Variants in SERGEF observed in about 807,000 individuals in gnomAD.
SERGEF encodes secretion regulating guanine nucleotide exchange factor.
Under a neutral mutation model 50.0 loss-of-function variants are expected in SERGEF, and 51 were observed. The ratio of observed to expected loss-of-function variants is 1.02; its 90% CI spans 0.81 to 1.29. The LOEUF is 1.29. SERGEF is among the 50% of genes most tolerant of loss of function. The pLI is 0.00. For missense variants in SERGEF, 521 were observed against 557.0 expected, an observed-to-expected ratio of 0.94 and a Z score of 0.65; for synonymous variants, 205 against 212.4, an observed-to-expected ratio of 0.97 and a Z score of 0.30.
At chr11:17,955,188 T>C (rs758323232) in intron 9 of SERGEF, among the ~76,000 whole-genome samples, 5 of 152,262 alleles carry the variant, frequency 3.3e-5, no homozygotes, top group Non-Finnish European at 1.5e-5. Flanking sequence ...CCAATTCAAA[T>C]AACATTTCTT....
intron 10 of SERGEF, among the ~76,000 whole-genome samples, chr11:17,794,359 G>A (rs958979982): frequency 6.6e-6 from 1 of 152,170 alleles, no homozygotes; most frequent in African/African-American, 2.4e-5. Flanking sequence ...TGAGGGCTGC[G>A]ACCTAGGGAT....
chr11:17,858,174 G>A (rs1159619074), intron 10 of SERGEF, among the ~76,000 whole-genome samples: 6 of 152,130 alleles, frequency 3.9e-5, no homozygotes, highest in Non-Finnish European at 1.5e-5. Flanking sequence ...GTATATTTAT[G>A]GGGGGTAGTT....
chr11:17,790,746 C>T (rs1849471687), intron 10 of SERGEF, among the ~76,000 whole-genome samples: 2 of 152,140 alleles, frequency 1.3e-5, no homozygotes, highest in South Asian at 4.1e-4. Context: ...AATGACTAGA[C>T]ATTTATATTC....
chr11:17,805,949 G>T (rs2299629), intron 10 of SERGEF, among the ~76,000 whole-genome samples: 4 of 152,180 alleles, frequency 2.6e-5, no homozygotes, highest in African/African-American at 9.7e-5. Flanking sequence ...CAAAGGTAGG[G>T]AGGAATCCAT....
intron 9 of SERGEF, among the ~76,000 whole-genome samples, chr11:17,932,185 A>G (rs1852365484): frequency 6.6e-6 from 1 of 152,174 alleles, no homozygotes; most frequent in Non-Finnish European, 1.5e-5. Context: ...GAAAGAAAGA[A>G]AGAAATGCTC....
At chr11:17,889,156 G>T (rs1195424134) in intron 9 of SERGEF, among the ~76,000 whole-genome samples, 1 of 152,178 alleles carries the variant, frequency 6.6e-6, no homozygotes, top group East Asian at 1.9e-4. Context: ...ATTCAGACAA[G>T]AATCATCAAT....
At chr11:17,957,454 T>C (rs1852898713) in intron 9 of SERGEF, among the ~76,000 whole-genome samples, 1 of 152,162 alleles carries the variant, frequency 6.6e-6, no homozygotes, top group South Asian at 2.1e-4. Flanking sequence ...CCTCCACTAC[T>C]ATACTACCTG....
At chr11:17,793,825 G>C (rs1849527629) in intron 10 of SERGEF, among the ~76,000 whole-genome samples, 1 of 152,210 alleles carries the variant, frequency 6.6e-6, no homozygotes, top group South Asian at 2.1e-4. Context: ...CCTGCTCACA[G>C]GGCTCAATCT....
intron 10 of SERGEF, among the ~76,000 whole-genome samples, chr11:17,831,913 G>A (rs949890528): frequency 6.6e-6 from 1 of 152,090 alleles, no homozygotes; most frequent in Non-Finnish European, 1.5e-5. Context: ...AACATCTCAA[G>A]GCTCTCCCTG....
At chr11:17,789,478 C>T (rs1849443202) in intron 10 of SERGEF, among the ~76,000 whole-genome samples, 1 of 152,098 alleles carries the variant, frequency 6.6e-6, no homozygotes, top group Non-Finnish European at 1.5e-5. Flanking sequence ...ACATTCATGC[C>T]CAGGTAACTC....
intron 10 of SERGEF, among the ~76,000 whole-genome samples, chr11:17,833,017 T>G (rs1565180146): frequency 6.6e-6 from 1 of 152,170 alleles, no homozygotes; most frequent in African/African-American, 2.4e-5. Context: ...TGAGGAGAAA[T>G]TCAAGCCAGC....
intron 9 of SERGEF, among the ~76,000 whole-genome samples, chr11:17,933,779 A>G (rs1565208763): frequency 6.6e-6 from 1 of 152,186 alleles, no homozygotes; most frequent in Non-Finnish European, 1.5e-5. Flanking sequence ...GAAAACTGGA[A>G]AATAGTTCTC....
intron 10 of SERGEF, among the ~76,000 whole-genome samples, chr11:17,872,276 TCTTGCTCTGG>T (rs1851153823): frequency 7.3e-3 from 4 of 548 alleles, no homozygotes; most frequent in African/African-American, 0.038. Flanking sequence ...ATGTTCTATA[TCTTGCTCTGG>T]ATGGTGTTTT....
intron 9 of SERGEF, among the ~76,000 whole-genome samples, chr11:17,954,222 T>C (rs1852821564): frequency 6.6e-6 from 1 of 152,154 alleles, no homozygotes; most frequent in Non-Finnish European, 1.5e-5. Context: ...ACTCAGCTGA[T>C]TGCTGGTGGT....
At chr11:17,824,966 A>C (rs1426679951) in intron 10 of SERGEF, among the ~76,000 whole-genome samples, 1 of 152,220 alleles carries the variant, frequency 6.6e-6, no homozygotes, top group African/African-American at 2.4e-5. Flanking sequence ...CAATGTGCAC[A>C]CACTTTCTTA....
intron 1 of SERGEF, chr11:18,010,041 T>A (rs1181409691): frequency 2.1e-6 from 2 of 952,740 alleles, no homozygotes; most frequent in African/African-American, 3.4e-5. Flanking sequence ...TTACTAAGAT[T>A]TCAGAAATCT....
At chr11:17,828,374 C>T (rs766697878) in intron 10 of SERGEF, among the ~76,000 whole-genome samples, 5 of 152,172 alleles carry the variant, frequency 3.3e-5, no homozygotes, top group Non-Finnish European at 7.4e-5. Context: ...GGAGTCTTTC[C>T]GAGAAGAGCC....
rs929062092 is a variant in SERGEF at position 17,918,987 on chromosome 11, T to C, written c.1011+40483A>G. On this transcript the variant is annotated intron_variant, in intron 9 of 10. Coordinates refer to ENST00000265965, the MANE Select transcript of SERGEF (RefSeq NM_012139.4). ...CCTCAGTAGGGAAGACTCTAAATGCTAGGTTGAGAGAGCAGAACTTTGTAC... is the reference window on the plus strand; with the variant it reads ...CCTCAGTAGGGAAGACTCTAAATGCCAGGTTGAGAGAGCAGAACTTTGTAC... Among the ~76,000 whole-genome samples, 4 of 152,174 alleles carry C rather than the reference T, an allele frequency of 2.6e-5. No individual in the cohort carries two copies. In the South Asian group the frequency reaches 6.2e-4, roughly 24 times the overall value.
At chr11:17,841,821 C>T (rs1340276242) in intron 10 of SERGEF, among the ~76,000 whole-genome samples, 3 of 152,184 alleles carry the variant, frequency 2.0e-5, no homozygotes, top group Admixed American at 6.5e-5. Context: ...TCTTTGAAAG[C>T]GCTAAGCTGC....
Sources: allele counts gnomAD v4.1 joint callset (sites outside exome capture counted in the v4.1 genomes callset), GRCh38; gene constraint gnomAD v4.1.1; transcripts MANE v1.5; gene names NCBI Gene and HGNC (gene_info 2026-07-23, HGNC 2026-07-21).